CCNY: variants seen among roughly 807,000 people sequenced by gnomAD.
CCNY encodes the protein cyclin-Y.
A neutral mutation model predicts 42.8 loss-of-function variants in CCNY; 19 were observed. That is an observed-to-expected ratio of 0.44 (90% CI 0.31 to 0.65). The LOEUF is 0.65. Ranked by LOEUF, CCNY falls within the 30% of genes least tolerant of loss-of-function variation. The probability of loss-of-function intolerance (pLI) is 0.07; values close to 1 mark genes in which losing one functional copy is unlikely to be tolerated. For synonymous variants in CCNY, 165 were observed against 162.7 expected (o/e 1.01, Z -0.11); for missense variants, 370 against 437.3 (o/e 0.85, Z 1.37).
intron 1 of CCNY, among the ~76,000 whole-genome samples, chr10:35,356,595 C>T (rs1247711210): frequency 6.6e-6 from 1 of 152,078 alleles, no homozygotes; most frequent in Non-Finnish European, 1.5e-5. Context: ...AAAATCTGCG[C>T]CCACTCCTTA....
At chr10:35,407,621 C>T (rs180852544) in intron 1 of CCNY, among the ~76,000 whole-genome samples, 201 of 152,118 alleles carry the variant, frequency 1.3e-3, no homozygotes, top group South Asian at 3.5e-3. Context: ...TGGGGTCAAG[C>T]GGCATTGCAG....
At chr10:35,281,255 A>G (rs1233230092) in intron 3 of CCNY, among the ~76,000 whole-genome samples, 1 of 152,190 alleles carries the variant, frequency 6.6e-6, no homozygotes, top group Non-Finnish European at 1.5e-5. Context: ...GAATGTCTAC[A>G]TAAAAGCTTG....
At chr10:35,502,393 G>T (rs1840128721) in intron 3 of CCNY, among the ~76,000 whole-genome samples, 1 of 152,102 alleles carries the variant, frequency 6.6e-6, no homozygotes, top group Non-Finnish European at 1.5e-5. Flanking sequence ...CTGTGTATTT[G>T]AAGATCTTGA....
chr10:35,371,133 G>A (rs1000252263), intron 1 of CCNY, among the ~76,000 whole-genome samples: 6 of 152,196 alleles, frequency 3.9e-5, no homozygotes, highest in Non-Finnish European at 8.8e-5. Flanking sequence ...CACGTAGCCT[G>A]TATGTCCCTT....
chr10:35,503,599 G>T (rs1840155401), intron 3 of CCNY, among the ~76,000 whole-genome samples: 1 of 152,196 alleles, frequency 6.6e-6, no homozygotes. Context: ...GTGGAGAAAG[G>T]ACGAGCAATA....
intron 1 of CCNY, among the ~76,000 whole-genome samples, chr10:35,396,196 G>A (rs1837521877): frequency 6.6e-6 from 1 of 152,234 alleles, no homozygotes; most frequent in Non-Finnish European, 1.5e-5. Context: ...TATACTCATG[G>A]TGGTAGGATC....
intron 4 of CCNY, among the ~76,000 whole-genome samples, chr10:35,525,203 G>A (rs1480055553): frequency 6.6e-6 from 1 of 152,038 alleles, no homozygotes; most frequent in Non-Finnish European, 1.5e-5. Flanking sequence ...TTAAAAGTAG[G>A]ATGGAAACCT....
At chr10:35,396,169 A>G (rs1837520998) in intron 1 of CCNY, among the ~76,000 whole-genome samples, 1 of 152,044 alleles carries the variant, frequency 6.6e-6, no homozygotes, top group Non-Finnish European at 1.5e-5. Flanking sequence ...TGTTTGTGAA[A>G]ATTGGGTTCA....
intron 3 of CCNY, among the ~76,000 whole-genome samples, chr10:35,506,317 CT>C (rs1288043967): frequency 6.6e-6 from 1 of 152,206 alleles, no homozygotes; most frequent in Non-Finnish European, 1.5e-5. Context: ...ACCTTAGATG[CT>C]CTGGTTCTCA....
At chr10:35,343,636 T>G (rs1349652914) in intron 1 of CCNY, among the ~76,000 whole-genome samples, 1 of 151,878 alleles carries the variant, frequency 6.6e-6, no homozygotes, top group Non-Finnish European at 1.5e-5. Flanking sequence ...GTGATCTGCC[T>G]GCCTCTGCCT....
intron 1 of CCNY, among the ~76,000 whole-genome samples, chr10:35,459,002 A>G (rs1023289335): frequency 1.4e-4 from 22 of 152,262 alleles, no homozygotes; most frequent in African/African-American, 7.2e-5. Flanking sequence ...AGCTACTTCT[A>G]TCAGCTGAGG....
intron 8 of CCNY, among the ~76,000 whole-genome samples, chr10:35,556,592 G>C (rs1444992314): frequency 6.6e-6 from 1 of 152,170 alleles, no homozygotes; most frequent in Non-Finnish European, 1.5e-5. Context: ...GGGAGGAATA[G>C]ACACGTTTTC....
chr10:35,507,200 T>G (rs528985403), intron 3 of CCNY, among the ~76,000 whole-genome samples: 1 of 152,340 alleles, frequency 6.6e-6, no homozygotes, highest in Non-Finnish European at 1.5e-5. Context: ...AAAAGCCCTT[T>G]AAGAAGCAGA....
At chr10:35,302,283 A>G (rs944060427) in intron 3 of CCNY, among the ~76,000 whole-genome samples, 1 of 149,482 alleles carries the variant, frequency 6.7e-6, no homozygotes, top group Non-Finnish European at 1.5e-5. Flanking sequence ...TTCTATCAAA[A>G]CAGCAGGTTA....
chr10:35,428,128 A>AT (rs1838309401), intron 1 of CCNY, among the ~76,000 whole-genome samples: 1 of 152,212 alleles, frequency 6.6e-6, no homozygotes, highest in Non-Finnish European at 1.5e-5. Flanking sequence ...CATAGCAGGC[A>AT]TTGAGTTAAA....
intron 1 of CCNY, among the ~76,000 whole-genome samples, chr10:35,425,333 C>T (rs1362397756): frequency 5.3e-5 from 8 of 152,194 alleles, no homozygotes; most frequent in South Asian, 2.1e-4. Flanking sequence ...AATTGGCTCT[C>T]GTAAACTGGT....
At chr10:35,387,555 G>A (rs1837325038) in intron 1 of CCNY, among the ~76,000 whole-genome samples, 1 of 152,190 alleles carries the variant, frequency 6.6e-6, no homozygotes, top group Non-Finnish European at 1.5e-5. Flanking sequence ...ATAATGCCAA[G>A]AAGAGGTGGG....
intron 9 of CCNY, among the ~76,000 whole-genome samples, chr10:35,568,206 C>T (rs999123320): frequency 6.6e-6 from 1 of 152,202 alleles, no homozygotes; most frequent in Non-Finnish European, 1.5e-5. Flanking sequence ...GAGTTGGCAC[C>T]TGCTGTTCCC....
chr10:35,338,364 G>T (rs1486656651), intron 1 of CCNY, among the ~76,000 whole-genome samples: 1 of 152,220 alleles, frequency 6.6e-6, no homozygotes, highest in Non-Finnish European at 1.5e-5. Context: ...TGAGTGCCAT[G>T]TATAAAGGGA....
Sources: allele counts gnomAD v4.1 joint callset (sites outside exome capture counted in the v4.1 genomes callset), GRCh38; gene constraint gnomAD v4.1.1; transcripts MANE v1.5; gene names NCBI Gene and HGNC (gene_info 2026-07-23, HGNC 2026-07-21).